PPP1R1C: variants seen among roughly 807,000 people sequenced by gnomAD.
PPP1R1C encodes protein phosphatase 1 regulatory subunit 1C.
A neutral mutation model predicts 17.4 loss-of-function variants in PPP1R1C; 15 were observed. The ratio of observed to expected loss-of-function variants is 0.86; its 90% CI spans 0.58 to 1.33. PPP1R1C has a LOEUF of 1.33. PPP1R1C is among the 40% of genes most tolerant of loss of function. The pLI, the probability that PPP1R1C is intolerant of heterozygous loss-of-function variation, is 0.00. For missense variants in PPP1R1C, 143 were observed against 130.0 expected, an observed-to-expected ratio of 1.10 and a Z score of -0.48; for synonymous variants, 35 against 43.1, an observed-to-expected ratio of 0.81 and a Z score of 0.73.
intron 5 of PPP1R1C, among the ~76,000 whole-genome samples, chr2:182,123,357 G>A (rs981287636): frequency 6.6e-6 from 1 of 152,126 alleles, no homozygotes; most frequent in African/African-American, 2.4e-5. Context: ...TAATCCTTTA[G>A]GTATGTACCC....
rs934138070 is a variant in PPP1R1C at position 181,955,386 on chromosome 2, A to AT, written n.111+761dup. Among the ~76,000 whole-genome samples the AT allele has an allele frequency of 3.1e-4, 47 of 151,738 alleles. 1 individual carries two copies. The highest frequency in any genetic ancestry group is 5.8e-4 in the East Asian group (3 of 5,162). On this transcript the variant is annotated intron_variant and non_coding_transcript_variant, in intron 1 of 5. Coordinates refer to the PPP1R1C transcript ENST00000464264. ...CTTAAGGGAGACCAGCACAAATACA[A>AT]TTTTTTTTTCCACCAGGGAAAGGCC...
chr2:181,956,900 C>A (rs1216275886), intron 1 of PPP1R1C, among the ~76,000 whole-genome samples: 2 of 152,166 alleles, frequency 1.3e-5, no homozygotes, highest in African/African-American at 4.8e-5. Flanking sequence ...AAATTTCCAT[C>A]TGAAATGTTA....
At chr2:182,084,775 T>C (rs1300942146) in intron 4 of PPP1R1C, among the ~76,000 whole-genome samples, 1 of 152,106 alleles carries the variant, frequency 6.6e-6, no homozygotes, top group African/African-American at 2.4e-5. Flanking sequence ...AGGATTGTTT[T>C]CTTAATTCTG....
At chr2:181,982,438 A>G (rs538289995), upstream of PPP1R1C, among the ~76,000 whole-genome samples, 2 of 152,330 alleles carry the variant, frequency 1.3e-5, no homozygotes, top group South Asian at 2.1e-4. Flanking sequence ...CTACTAGATG[A>G]CGAGCATCTT....
intron 2 of PPP1R1C, among the ~76,000 whole-genome samples, chr2:181,995,087 A>G (rs1271190024): frequency 9.9e-5 from 15 of 152,232 alleles, no homozygotes; most frequent in Non-Finnish European, 4.4e-5. Flanking sequence ...TATCAATGCT[A>G]TCCACATGGA....
intron 2 of PPP1R1C, among the ~76,000 whole-genome samples, chr2:182,026,667 G>T (rs1225351792): frequency 6.6e-6 from 1 of 152,072 alleles, no homozygotes; most frequent in African/African-American, 2.4e-5. Flanking sequence ...TCGTTCTTTT[G>T]GCTTAGGATT....
At chr2:182,068,366 C>T (rs935533461) in intron 4 of PPP1R1C, among the ~76,000 whole-genome samples, 1 of 152,142 alleles carries the variant, frequency 6.6e-6, no homozygotes, top group Non-Finnish European at 1.5e-5. Context: ...TTCTGCTTCA[C>T]CCTGCAGCAT....
intron 2 of PPP1R1C, among the ~76,000 whole-genome samples, chr2:182,059,031 A>T (rs16822454): frequency 0.045 from 6,890 of 152,218 alleles, 525 homozygotes; most frequent in African/African-American, 0.16. Flanking sequence ...GTGTATCCAC[A>T]TGCATTCTCA....
chr2:182,086,937 A>G (rs368918597), intron 4 of PPP1R1C, among the ~76,000 whole-genome samples: 1 of 151,898 alleles, frequency 6.6e-6, no homozygotes, highest in East Asian at 1.9e-4. Flanking sequence ...ATACCAAAAA[A>G]AAAAACAAAA....
At chr2:181,970,685 GGTCCTGAGATGCT>G (rs1025923207) in intron 1 of PPP1R1C, among the ~76,000 whole-genome samples, 2 of 152,116 alleles carry the variant, frequency 1.3e-5, no homozygotes, top group Non-Finnish European at 2.9e-5. Context: ...GCCATGGGTG[GGTCCTGAGATGCT>G]GTCCATTAGC....
At chr2:181,968,465 A>G (rs907684542) in intron 1 of PPP1R1C, among the ~76,000 whole-genome samples, 3 of 152,088 alleles carry the variant, frequency 2.0e-5, no homozygotes, top group Admixed American at 1.3e-4. Flanking sequence ...TGTCCTTTTT[A>G]TAGTTTTTGT....
chr2:182,024,157 T>TA (rs1338913983), intron 2 of PPP1R1C, among the ~76,000 whole-genome samples: 1 of 152,160 alleles, frequency 6.6e-6, no homozygotes, highest in Non-Finnish European at 1.5e-5. Context: ...TGAGGCTTTC[T>TA]AAAAAATAAT....
chr2:181,992,182 A>G (rs1301165593), intron 2 of PPP1R1C, among the ~76,000 whole-genome samples: 1 of 138,170 alleles, frequency 7.2e-6, no homozygotes, highest in East Asian at 2.0e-4. Context: ...TCCATAATTA[A>G]CCGGGCTTTT....
chr2:182,101,953 AG>A (rs1300423492), intron 4 of PPP1R1C, among the ~76,000 whole-genome samples: 1 of 152,164 alleles, frequency 6.6e-6, no homozygotes, highest in Non-Finnish European at 1.5e-5. Context: ...AGTAAAGCCA[AG>A]GGGGGTTTCT....
chr2:182,118,235 T>C (rs2125238636), downstream of PPP1R1C, among the ~76,000 whole-genome samples: 1 of 152,284 alleles, frequency 6.6e-6, no homozygotes, highest in East Asian at 1.9e-4. Context: ...AAAAGAAAGA[T>C]ACTTTTACCC....
At chr2:182,001,827 G>A (rs1048409918) in intron 2 of PPP1R1C, among the ~76,000 whole-genome samples, 7 of 152,046 alleles carry the variant, frequency 4.6e-5, no homozygotes, top group African/African-American at 1.2e-4. Flanking sequence ...ATGATTGTAC[G>A]AGAAATCACT....
At chr2:182,089,509 A>G (rs189902394) in intron 4 of PPP1R1C, among the ~76,000 whole-genome samples, 3 of 152,172 alleles carry the variant, frequency 2.0e-5, no homozygotes, top group Non-Finnish European at 4.4e-5. Context: ...ACTTTGAGTT[A>G]AATGTTTCAT....
intron 2 of PPP1R1C, among the ~76,000 whole-genome samples, chr2:182,031,596 T>C (rs1686841545): frequency 6.6e-6 from 1 of 152,236 alleles, no homozygotes; most frequent in Admixed American, 6.5e-5. Flanking sequence ...AGCCTTGCTG[T>C]AATTACTTAG....
chr2:182,000,072 C>A (rs1007645500), intron 2 of PPP1R1C, among the ~76,000 whole-genome samples: 5 of 152,148 alleles, frequency 3.3e-5, no homozygotes, highest in Non-Finnish European at 7.4e-5. Context: ...CTTCATGAAA[C>A]CTTTTTGGAC....
Sources: allele counts gnomAD v4.1 joint callset (sites outside exome capture counted in the v4.1 genomes callset), GRCh38; gene constraint gnomAD v4.1.1; transcripts MANE v1.5; gene names NCBI Gene and HGNC (gene_info 2026-07-23, HGNC 2026-07-21).